Variants in KHK observed in about 807,000 individuals in gnomAD.
KHK encodes the protein ketohexokinase, also known as fructokinase.
A neutral mutation model predicts 36.0 loss-of-function variants in KHK; 37 were observed. The observed-to-expected ratio is 1.03, with a 90% CI of 0.79 to 1.35. KHK has a LOEUF of 1.35. Ranked by LOEUF, KHK falls within the 40% of genes most tolerant of loss-of-function variation. The probability of loss-of-function intolerance (pLI) is 0.00; values close to 1 mark genes in which losing one functional copy is unlikely to be tolerated. For missense variants in KHK, 395 were observed against 391.9 expected (o/e 1.01, Z -0.07); for synonymous variants, 161 against 162.8 (o/e 0.99, Z 0.08).
At chr2:27,095,007 A>G in intron 3 of KHK, 73 bp downstream of exon 3, 2 of 1,563,646 alleles carry the variant, frequency 1.3e-6, no homozygotes, top group Non-Finnish European at 8.8e-7. Flanking sequence ...ACTCGCCACC[A>G]TGGGCATCCC....
intron 1 of KHK, among the ~76,000 whole-genome samples, chr2:27,091,898 A>T (rs183752974): frequency 1.6e-4 from 25 of 152,328 alleles, no homozygotes; most frequent in African/African-American, 5.1e-4. Flanking sequence ...TGTAAATGTG[A>T]TACCTTTGGG....
At chr2:27,096,668 C>A (rs994463462) in intron 3 of KHK, 61 bp from the exon 4 acceptor site, 23 of 1,361,276 alleles carry the variant, frequency 1.7e-5, no homozygotes, top group South Asian at 2.3e-5. Context: ...AGTTAGAGAT[C>A]CTGGCTCTGC....
chr2:27,093,698 G>A (rs1670145501), intron 2 of KHK, among the ~76,000 whole-genome samples: 1 of 152,208 alleles, frequency 6.6e-6, no homozygotes, highest in African/African-American at 2.4e-5. Context: ...GGACTGCTGG[G>A]CATAATTGCC....
At chr2:27,091,948 G>T (rs186719074) in intron 1 of KHK, among the ~76,000 whole-genome samples, 1 of 152,206 alleles carries the variant, frequency 6.6e-6, no homozygotes, top group Non-Finnish European at 1.5e-5. Context: ...AGTTGCTCCA[G>T]CTCTCAAGGA....
At position 27,092,429 on chromosome 2, in the gene KHK, G is replaced by A. The variant is rs747801219; in HGVS notation, c.190G>A (p.Ala64Thr). The change falls in exon 2 of 8, where the codon GCT becomes ACT. Residue 64 changes from alanine to threonine, a missense_variant. Coordinates refer to ENST00000260598, the MANE Select transcript of KHK (RefSeq NM_006488.3). Reference protein sequence around the residue: ...GAPCAFMGSMAPGHVADFLVA... With the variant: ...GAPCAFMGSMTPGHVADFLVA... ...CCCCTGTGCCTTCATGGGCTCAATG[G>A]CTCCTGGCCATGTTGCTGAGTAAGT... 2.5e-6 allele frequency: 4 copies of A among 1,613,118 alleles called. No individual in the cohort carries two copies. Among genetic ancestry groups the A allele is most frequent in the Non-Finnish European group, 1.7e-6 (2 of 1,179,796 alleles).
chr2:27,094,113 C>T (rs534729731), intron 2 of KHK: 46 of 372,692 alleles, frequency 1.2e-4, no homozygotes, highest in Non-Finnish European at 2.0e-4. Context: ...AAACAAGCCA[C>T]GGTGCCCCCA....
At chr2:27,093,650 C>T (rs1173239413) in intron 2 of KHK, among the ~76,000 whole-genome samples, 6 of 152,180 alleles carry the variant, frequency 3.9e-5, no homozygotes, top group Non-Finnish European at 7.3e-5. Context: ...TTGCTGAAAG[C>T]GGGCTCTGGC....
At chr2:27,092,263 C>T (rs1419026195) in intron 1 of KHK, 69 bp from the exon 2 acceptor site, 3 of 1,152,530 alleles carry the variant, frequency 2.6e-6, no homozygotes, top group Non-Finnish European at 3.9e-6. Flanking sequence ...ATTCTGTAGG[C>T]CCCTATACAG....
chr2:27,099,221 A>T lies in KHK; in HGVS notation c.590A>T (p.Lys197Met), dbSNP rs1426869673. 6.2e-7 allele frequency: 1 copy of T among 1,614,140 alleles called. No individual in the cohort carries two copies. Among genetic ancestry groups the T allele is most frequent in the Non-Finnish European group, 8.5e-7 (1 of 1,180,022 alleles). ...DVVFVSKDVA[K>M]HLGFQSAEEA... Reference sequence around the variant, plus strand: ...GTGTTTGTCAGCAAAGATGTGGCCAAGCACTTGGGGTTCCAGTCAGCAGAG... The same window carrying T: ...GTGTTTGTCAGCAAAGATGTGGCCATGCACTTGGGGTTCCAGTCAGCAGAG... The change falls in exon 6 of 8, where the codon AAG becomes ATG. Residue 197 changes from lysine to methionine, a missense_variant. Transcript: ENST00000260598.
intron 1 of KHK, among the ~76,000 whole-genome samples, chr2:27,090,737 G>A (rs1421619027): frequency 6.6e-6 from 1 of 151,710 alleles, no homozygotes; most frequent in African/African-American, 2.4e-5. Flanking sequence ...ATGGGCGTGA[G>A]CCACTGCGCC....
intron 5 of KHK, 146 bp from the exon 6 acceptor site, chr2:27,099,050 C>T: frequency 1.2e-6 from 1 of 804,486 alleles, no homozygotes; most frequent in African/African-American, 1.7e-5. Context: ...AAAAGAAAAC[C>T]ACGTTCCCGT....
chr2:27,094,873 C>T lies in KHK; in HGVS notation c.283C>T (p.Pro95Ser). 1 of 1,614,024 alleles carries T rather than the reference C, an allele frequency of 6.2e-7. No individual in the cohort carries two copies. The highest frequency in any genetic ancestry group is 8.5e-7 in the Non-Finnish European group (1 of 1,180,040). Residue 95 changes from proline to serine, a missense_variant, in exon 3 of 8, where the codon CCC becomes TCC. By Grantham distance (74) the Pro-to-Ser change is moderately conservative (BLOSUM62 -1). Coordinates refer to ENST00000260598, the MANE Select transcript of KHK (RefSeq NM_006488.3). ...GGCCTGGCAGAGCAAGGGGGACACC[C>T]CCAGCTCCTGCTGCATCATCAACAA... Reference protein sequence around the residue: ...QVAWQSKGDTPSSCCIINNSN... With the variant: ...QVAWQSKGDTSSSCCIINNSN...
rs1231050075 is a variant in KHK at position 27,086,808 on chromosome 2, G to C, written c.-452G>C. ...CAGATGCGAGGCCCAGCTGTACCTC[G>C]CGTGTCCCGGGTCGGGAGTCGGAGA... On this transcript the variant is annotated 5_prime_UTR_variant, in exon 1 of 8. Coordinates refer to ENST00000260598, the MANE Select transcript of KHK (RefSeq NM_006488.3). 1.3e-5 allele frequency: 2 copies of C among 154,044 alleles called. No homozygotes were observed. The highest frequency in any genetic ancestry group is 2.9e-5 in the Non-Finnish European group (2 of 69,022). 9.5% of individuals were successfully genotyped at this position (154,044 alleles called of 1,614,324 possible).
At chr2:27,088,954 C>G (rs1195830545) in intron 1 of KHK, among the ~76,000 whole-genome samples, 3 of 152,156 alleles carry the variant, frequency 2.0e-5, no homozygotes, top group Admixed American at 2.0e-4. Context: ...GCCAGGCTAA[C>G]TGAGGTGAGA....
Position 27,100,698 on chromosome 2 carries a change from T to C in KHK, c.*948T>C, listed in dbSNP as rs1670769675. ...TCTGTCAAATGGAACCAATTCTGCT[T>C]GGCTACAGAATTATTGTGAGGATAA... On this transcript the variant is annotated 3_prime_UTR_variant, in exon 8 of 8. Coordinates refer to ENST00000260598, the MANE Select transcript of KHK (RefSeq NM_006488.3). 1 of 1,096,384 alleles carries C rather than the reference T, an allele frequency of 9.1e-7. No homozygotes were observed. Among genetic ancestry groups the C allele is most frequent in the Non-Finnish European group, 1.2e-6 (1 of 853,346 alleles). The allele number at this position is 1,096,384 out of a possible 1,614,324, so 67.9% of individuals were successfully genotyped here.
intron 5 of KHK, 94 bp from the exon 6 acceptor site, chr2:27,099,102 T>TG: frequency 1.9e-6 from 2 of 1,042,306 alleles, no homozygotes; most frequent in Non-Finnish European, 3.0e-6. Flanking sequence ...GTGGACATGT[T>TG]GGGGGAGTCG....
chr2:27,087,437 C>A, intron 1 of KHK, 86 bp downstream of exon 1: 1 of 1,056,590 alleles, frequency 9.5e-7, no homozygotes, highest in Non-Finnish European at 1.4e-6. Context: ...AGAGACCCCG[C>A]AGTGAGGCCC....
rs543829326 is a variant in KHK at position 27,089,338 on chromosome 2, C to T, written c.92+1987C>T. ...GGCATGCCACTGTGTAGACCTAACC[C>T]ACTGTGCAAGGTCGAGGCAGCCACA... On this transcript the variant is annotated intron_variant, in intron 1 of 7. Coordinates refer to ENST00000260598, the MANE Select transcript of KHK (RefSeq NM_006488.3). 2.0e-5 allele frequency among the ~76,000 whole-genome samples: 3 copies of T among 152,276 alleles called. No homozygotes were observed. In the South Asian group the frequency reaches 6.2e-4, roughly 32 times the overall value.
chr2:27,088,854 CT>C (rs770858829), intron 1 of KHK, among the ~76,000 whole-genome samples: 3 of 152,186 alleles, frequency 2.0e-5, no homozygotes, highest in Non-Finnish European at 1.5e-5. Context: ...CTGAGAATTG[CT>C]CCTGGGCTAT....
Sources: allele counts gnomAD v4.1 joint callset (sites outside exome capture counted in the v4.1 genomes callset), GRCh38; gene constraint gnomAD v4.1.1; transcripts MANE v1.5; gene names NCBI Gene and HGNC (gene_info 2026-07-23, HGNC 2026-07-21).